The following THBS4 variants were observed in gnomAD, a reference collection of about 807,000 sequenced individuals.
THBS4 encodes the protein thrombospondin 4.
Under a neutral mutation model 115.7 loss-of-function variants are expected in THBS4, and 90 were observed. The observed-to-expected ratio is 0.78, with a 90% CI of 0.66 to 0.93. The LOEUF is 0.93. Ranked by LOEUF, THBS4 falls within the 40% of genes least tolerant of loss-of-function variation. The pLI, the probability that THBS4 is intolerant of heterozygous loss-of-function variation, is 0.00. For missense variants in THBS4, 1,087 were observed against 1,232.7 expected (o/e 0.88, Z 1.77); for synonymous variants, 460 against 479.3 (o/e 0.96, Z 0.53).
intron 17 of THBS4, 140 bp downstream of exon 17, chr5:80,078,367 A>G: frequency 1.6e-6 from 1 of 630,222 alleles, no homozygotes; most frequent in Non-Finnish European, 2.5e-6. Flanking sequence ...CAGCCCTATG[A>G]CAGACTACTT....
chr5:80,073,534 C>T (rs1445771937), intron 15 of THBS4, among the ~76,000 whole-genome samples: 1 of 152,132 alleles, frequency 6.6e-6, no homozygotes, highest in African/African-American at 2.4e-5. Flanking sequence ...CAGGCGCCCG[C>T]TACCATGCCT....
intron 2 of THBS4, among the ~76,000 whole-genome samples, chr5:80,003,779 A>G (rs549874294): frequency 6.6e-5 from 10 of 152,348 alleles, no homozygotes; most frequent in Admixed American, 2.0e-4. Flanking sequence ...ATGTTACTGT[A>G]TAATTTACAT....
intron 2 of THBS4, among the ~76,000 whole-genome samples, chr5:80,044,126 T>C (rs1832986973): frequency 6.6e-6 from 1 of 152,252 alleles, no homozygotes; most frequent in Non-Finnish European, 1.5e-5. Context: ...TTCTTTCTAA[T>C]ATGACTTTGT....
chr5:80,041,422 C>T (rs558495294), intron 2 of THBS4, among the ~76,000 whole-genome samples: 1 of 152,264 alleles, frequency 6.6e-6, no homozygotes, highest in South Asian at 2.1e-4. Context: ...TACAAACATT[C>T]AGCCCATGAC....
intron 3 of THBS4, among the ~76,000 whole-genome samples, chr5:80,056,714 CT>C (rs1833445558): frequency 6.6e-6 from 1 of 151,796 alleles, no homozygotes; most frequent in Non-Finnish European, 1.5e-5. Flanking sequence ...TAATGTATAA[CT>C]GGTTAAAGTT....
intron 2 of THBS4, among the ~76,000 whole-genome samples, chr5:80,030,126 G>A (rs964723204): frequency 1.3e-5 from 2 of 152,054 alleles, no homozygotes; most frequent in Non-Finnish European, 2.9e-5. Context: ...CTAAATAGGA[G>A]TCCAAAGTCT....
At chr5:80,082,233 T>G in intron 20 of THBS4, 173 bp from the exon 21 acceptor site, 1 of 763,746 alleles carries the variant, frequency 1.3e-6, no homozygotes, top group Non-Finnish European at 2.1e-6. Flanking sequence ...ACTTCCAGTC[T>G]AGTAAGTAAG....
At chr5:79,992,115 C>T (rs978463114) in intron 1 of THBS4, among the ~76,000 whole-genome samples, 1 of 152,150 alleles carries the variant, frequency 6.6e-6, no homozygotes, top group Non-Finnish European at 1.5e-5. Flanking sequence ...TCATGTAGCT[C>T]GTCATGTCTG....
intron 13 of THBS4, chr5:80,071,852 C>G (rs966461077): frequency 5.1e-5 from 9 of 175,692 alleles, no homozygotes; most frequent in Non-Finnish European, 1.1e-4. Flanking sequence ...GTCCTCATTG[C>G]TGATTTCAAG....
chr5:80,012,776 A>T (rs1010145764), intron 2 of THBS4, among the ~76,000 whole-genome samples: 1 of 152,252 alleles, frequency 6.6e-6, no homozygotes, highest in African/African-American at 2.4e-5. Flanking sequence ...TCTGCAAAGT[A>T]TGCTGGAACT....
intron 1 of THBS4, among the ~76,000 whole-genome samples, chr5:79,995,655 C>T (rs371695894): frequency 1.4e-4 from 21 of 152,130 alleles, no homozygotes; most frequent in African/African-American, 3.1e-4. Flanking sequence ...GGCTGAGATC[C>T]GGAGCTTGAG....
intron 2 of THBS4, among the ~76,000 whole-genome samples, chr5:80,000,084 T>C (rs1831866859): frequency 6.6e-6 from 1 of 152,166 alleles, no homozygotes; most frequent in Non-Finnish European, 1.5e-5. Context: ...GAGAATGGCA[T>C]ATTAACTTCT....
chr5:80,059,375 C>A, intron 5 of THBS4, 65 bp from the exon 6 acceptor site: 11 of 1,375,832 alleles, frequency 8.0e-6, no homozygotes, highest in African/African-American at 1.4e-5. Context: ...CACATGGATT[C>A]TTTCATTCCT....
chr5:80,060,232 C>G (rs1007066352), intron 7 of THBS4, among the ~76,000 whole-genome samples: 2 of 152,192 alleles, frequency 1.3e-5, no homozygotes, highest in Admixed American at 1.3e-4. Flanking sequence ...TTTTCCCCCA[C>G]TTTTGCAAAT....
At chr5:79,994,652 A>G (rs563401709) in intron 1 of THBS4, among the ~76,000 whole-genome samples, 3 of 152,238 alleles carry the variant, frequency 2.0e-5, no homozygotes, top group African/African-American at 7.2e-5. Context: ...AGAAACACAA[A>G]AATTATAGCT....
At chr5:80,020,406 G>A (rs1019521533) in intron 2 of THBS4, among the ~76,000 whole-genome samples, 1 of 152,260 alleles carries the variant, frequency 6.6e-6, no homozygotes, top group African/African-American at 2.4e-5. Flanking sequence ...CCCGGGAGGC[G>A]AAGGTTGCAG....
At chr5:80,010,960 C>A (rs1832112446) in intron 2 of THBS4, among the ~76,000 whole-genome samples, 1 of 152,200 alleles carries the variant, frequency 6.6e-6, no homozygotes, top group Admixed American at 6.5e-5. Flanking sequence ...CAGGATGTGA[C>A]CTGGAAATAG....
At chr5:80,023,232 A>T (rs1052530275) in intron 2 of THBS4, among the ~76,000 whole-genome samples, 1 of 152,146 alleles carries the variant, frequency 6.6e-6, no homozygotes, top group Non-Finnish European at 1.5e-5. Flanking sequence ...CCAGCCCTTG[A>T]ACTCTATTTG....
chr5:80,033,874 A>C (rs1832634688), upstream of THBS4, among the ~76,000 whole-genome samples: 1 of 152,250 alleles, frequency 6.6e-6, no homozygotes, highest in Non-Finnish European at 1.5e-5. Context: ...AGATTCTGGT[A>C]TACCCAATCA....
Sources: gnomAD v4.1 joint callset for allele counts (sites outside exome capture counted in the v4.1 genomes callset) on GRCh38, gnomAD v4.1.1 for gene constraint, MANE v1.5 for transcripts, NCBI Gene and HGNC (gene_info 2026-07-23, HGNC 2026-07-21) for gene names.